CCSER1: variants seen among roughly 807,000 people sequenced by gnomAD.
CCSER1 encodes the protein serine-rich coiled-coil domain-containing protein 1.
CCSER1 carries 41 observed loss-of-function variants against 82.0 expected under a neutral mutation model. That is an observed-to-expected ratio of 0.50 (90% CI 0.39 to 0.65). CCSER1 has a LOEUF of 0.65. CCSER1 is among the 30% of genes least tolerant of loss of function. The pLI is 0.00. For synonymous variants in CCSER1, 414 were observed against 383.9 expected (o/e 1.08, Z -0.92); for missense variants, 1,119 against 1,064.2 (o/e 1.05, Z -0.72).
chr4:90,961,158 C>T (rs1365090941), intron 9 of CCSER1, among the ~76,000 whole-genome samples: 4 of 152,130 alleles, frequency 2.6e-5, no homozygotes, highest in African/African-American at 9.7e-5. Flanking sequence ...CCAGACCTCC[C>T]AGGTTAAAAT....
chr4:90,827,562 A>G (rs1760626724), intron 8 of CCSER1, among the ~76,000 whole-genome samples: 1 of 152,212 alleles, frequency 6.6e-6, no homozygotes, highest in Non-Finnish European at 1.5e-5. Flanking sequence ...ATCAAAAAGC[A>G]CATAGGGCAT....
At chr4:90,850,932 C>T (rs1763805185) in intron 8 of CCSER1, among the ~76,000 whole-genome samples, 1 of 152,146 alleles carries the variant, frequency 6.6e-6, no homozygotes, top group East Asian at 1.9e-4. Context: ...TTGTCATATT[C>T]CCCACATTTC....
intron 7 of CCSER1, among the ~76,000 whole-genome samples, chr4:90,761,692 T>C (rs555974555): frequency 1.6e-4 from 24 of 152,314 alleles, no homozygotes; most frequent in Middle Eastern, 3.4e-3. Flanking sequence ...TGGGATTGAA[T>C]TGGAAAATAA....
intron 1 of CCSER1, among the ~76,000 whole-genome samples, chr4:90,276,177 T>TG (rs1727490578): frequency 6.6e-6 from 1 of 151,406 alleles, no homozygotes; most frequent in Non-Finnish European, 1.5e-5. Context: ...AGGAAAGACT[T>TG]GAACACTGTT....
At chr4:90,473,838 A>C (rs1222637288) in intron 5 of CCSER1, among the ~76,000 whole-genome samples, 1 of 152,242 alleles carries the variant, frequency 6.6e-6, no homozygotes, top group African/African-American at 2.4e-5. Context: ...TCAGGAGAAC[A>C]TATTTATTTA....
intron 1 of CCSER1, among the ~76,000 whole-genome samples, chr4:90,142,626 C>CT (rs35514100): frequency 0.28 from 41,052 of 145,344 alleles, 7,073 homozygotes; most frequent in East Asian, 0.64. Flanking sequence ...TTATTTACCA[C>CT]TTTTTTTTTT....
chr4:90,734,068 G>A (rs11721928), intron 7 of CCSER1, among the ~76,000 whole-genome samples: 21,099 of 151,580 alleles, frequency 0.14, 1,794 homozygotes, highest in Non-Finnish European at 0.19. Flanking sequence ...TGTGAAAAAC[G>A]TCAATTTAAT....
chr4:91,266,152 G>A (rs1434084653), intron 10 of CCSER1, among the ~76,000 whole-genome samples: 1 of 152,058 alleles, frequency 6.6e-6, no homozygotes, highest in Non-Finnish European at 1.5e-5. Flanking sequence ...ATGAGATTTG[G>A]GTGGGGACAC....
intron 10 of CCSER1, among the ~76,000 whole-genome samples, chr4:91,443,141 A>G (rs1340832475): frequency 1.2e-4 from 19 of 152,250 alleles, no homozygotes; most frequent in Non-Finnish European, 2.1e-4. Flanking sequence ...CCAAAGGACT[A>G]TAAATCATGC....
intron 9 of CCSER1, among the ~76,000 whole-genome samples, chr4:90,995,908 A>G (rs1172227315): frequency 1.3e-5 from 2 of 152,108 alleles, no homozygotes; most frequent in Non-Finnish European, 2.9e-5. Flanking sequence ...TGATTTAACT[A>G]TACAGATATG....
intron 3 of CCSER1, among the ~76,000 whole-genome samples, chr4:90,380,270 G>A (rs1344437355): frequency 3.3e-5 from 5 of 152,110 alleles, no homozygotes; most frequent in Middle Eastern, 3.4e-3. Context: ...TGTATGATGT[G>A]GCTAAAGTGA....
intron 10 of CCSER1, among the ~76,000 whole-genome samples, chr4:91,503,090 C>T (rs1174228699): frequency 6.6e-6 from 1 of 152,058 alleles, no homozygotes; most frequent in Non-Finnish European, 1.5e-5. Context: ...CGCCTGTAAT[C>T]CCAGCACTTT....
At chr4:90,163,521 C>G (rs773662468) in intron 1 of CCSER1, among the ~76,000 whole-genome samples, 1 of 151,644 alleles carries the variant, frequency 6.6e-6, no homozygotes, top group Non-Finnish European at 1.5e-5. Flanking sequence ...AGTTATAAAC[C>G]CACATTTTTT....
chr4:90,168,160 C>G (rs531065970), intron 1 of CCSER1, among the ~76,000 whole-genome samples: 1 of 152,074 alleles, frequency 6.6e-6, no homozygotes, highest in Non-Finnish European at 1.5e-5. Flanking sequence ...TTTTAATGAT[C>G]GCCATTCTAA....
intron 9 of CCSER1, among the ~76,000 whole-genome samples, chr4:90,970,532 A>C (rs1045413089): frequency 6.6e-6 from 1 of 152,038 alleles, no homozygotes; most frequent in African/African-American, 2.4e-5. Flanking sequence ...ATCAACATTG[A>C]ATATATCATC....
chr4:91,068,701 A>G (rs980226538), intron 9 of CCSER1, among the ~76,000 whole-genome samples: 1 of 152,206 alleles, frequency 6.6e-6, no homozygotes, highest in African/African-American at 2.4e-5. Flanking sequence ...GCACGCGTAG[A>G]CTACCACTGG....
At chr4:91,084,756 T>A (rs1723186669) in intron 9 of CCSER1, among the ~76,000 whole-genome samples, 1 of 152,158 alleles carries the variant, frequency 6.6e-6, no homozygotes. Flanking sequence ...GTATGCCATG[T>A]TGATCCTAGA....
intron 4 of CCSER1, among the ~76,000 whole-genome samples, chr4:90,454,366 G>A (rs1205201572): frequency 1.3e-5 from 2 of 151,828 alleles, no homozygotes; most frequent in Non-Finnish European, 2.9e-5. Context: ...GGGGCTGCCC[G>A]AGTAATAAAC....
intron 10 of CCSER1, among the ~76,000 whole-genome samples, chr4:91,216,625 C>T (rs1349514657): frequency 6.6e-6 from 1 of 152,112 alleles, no homozygotes; most frequent in Non-Finnish European, 1.5e-5. Context: ...AGGCCTATAG[C>T]ATCTTATTGT....
Sources: gnomAD v4.1 joint callset for allele counts (sites outside exome capture counted in the v4.1 genomes callset) on GRCh38, gnomAD v4.1.1 for gene constraint, MANE v1.5 for transcripts, NCBI Gene and HGNC (gene_info 2026-07-23, HGNC 2026-07-21) for gene names.